Variants in NETO1 observed in about 807,000 individuals in gnomAD.
NETO1 encodes the protein neuropilin and tolloid-like protein 1.
NETO1 carries 26 observed loss-of-function variants against 61.3 expected under a neutral mutation model. That is an observed-to-expected ratio of 0.42 (90% CI 0.31 to 0.59). NETO1 has a LOEUF of 0.59. Ranked by LOEUF, NETO1 falls within the 20% of genes least tolerant of loss-of-function variation. The pLI, the probability that NETO1 is intolerant of heterozygous loss-of-function variation, is 0.12. For synonymous variants in NETO1, 225 were observed against 225.8 expected (o/e 1.00, Z 0.03); for missense variants, 531 against 662.8 (o/e 0.80, Z 2.18).
At chr18:72,812,790 T>C (rs1218679181) in intron 4 of NETO1, among the ~76,000 whole-genome samples, 2 of 152,140 alleles carry the variant, frequency 1.3e-5, no homozygotes, top group Non-Finnish European at 2.9e-5. Context: ...TCTAGATACA[T>C]TTCCTAACAT....
chr18:72,749,809 GAAAT>G (rs143785782), intron 9 of NETO1, among the ~76,000 whole-genome samples: 20,217 of 152,012 alleles, frequency 0.13, 1,540 homozygotes, highest in Middle Eastern at 0.19. Flanking sequence ...TATATGTTTA[GAAAT>G]AAATAAAGTA....
chr18:72,866,966 C>G (rs2074755108), intron 1 of NETO1: 1 of 408,334 alleles, frequency 2.4e-6, no homozygotes, highest in African/African-American at 2.1e-5. Context: ...TTGGGCCAAT[C>G]TCTGCCGCAC....
chr18:72,830,592 T>A lies in NETO1; in HGVS notation c.469+28234A>T, dbSNP rs945545609. Among the ~76,000 whole-genome samples the A allele has an allele frequency of 3.9e-5, 6 of 152,148 alleles. No individual in the cohort carries two copies. Among genetic ancestry groups the A allele is most frequent in the African/African-American group, 1.4e-4 (6 of 41,420 alleles). ...CTGCCAGAATTTTTTAGGAGCAGCT[T>A]TTGGTGTGGAGGTAGGATGTGGTGG... On this transcript the variant is annotated intron_variant, in intron 4 of 10. Coordinates refer to ENST00000327305, the MANE Select transcript of NETO1 (RefSeq NM_138966.5). This position sits in a 1 kb window ranked among gnomAD's most constrained non-coding sequence, Gnocchi z 4.9.
At chr18:72,772,370 A>G (rs1383522111) in intron 7 of NETO1, among the ~76,000 whole-genome samples, 1 of 152,080 alleles carries the variant, frequency 6.6e-6, no homozygotes, top group East Asian at 1.9e-4. Context: ...CATGACATAA[A>G]GTTCAAATCT....
chr18:72,798,973 A>T (rs891300420), intron 4 of NETO1, among the ~76,000 whole-genome samples: 4 of 152,206 alleles, frequency 2.6e-5, no homozygotes, highest in Non-Finnish European at 1.5e-5. Context: ...TAAAAGACAC[A>T]ACTTCAGCGT....
At chr18:72,837,806 A>G (rs2073800114) in intron 4 of NETO1, among the ~76,000 whole-genome samples, 1 of 152,140 alleles carries the variant, frequency 6.6e-6, no homozygotes, top group African/African-American at 2.4e-5. Context: ...AAACACCACC[A>G]CCAACAAAAA....
intron 6 of NETO1, among the ~76,000 whole-genome samples, chr18:72,786,722 A>T (rs573521953): frequency 6.6e-6 from 1 of 152,288 alleles, no homozygotes; most frequent in South Asian, 2.1e-4. Context: ...AGAGAATTTC[A>T]GAAATATCCA....
intron 4 of NETO1, among the ~76,000 whole-genome samples, chr18:72,848,806 G>C (rs2074165720): frequency 6.6e-6 from 1 of 152,158 alleles, no homozygotes; most frequent in Non-Finnish European, 1.5e-5. Context: ...GTAGGCATTT[G>C]AAAGTTCTGA....
intron 6 of NETO1, among the ~76,000 whole-genome samples, chr18:72,789,369 G>A (rs2072037791): frequency 6.6e-6 from 1 of 152,002 alleles, no homozygotes; most frequent in Non-Finnish European, 1.5e-5. Flanking sequence ...GTATAAAAAT[G>A]CCATTTTAAA....
At chr18:72,861,162 T>A (rs2145661889) in intron 3 of NETO1, among the ~76,000 whole-genome samples, 1 of 152,338 alleles carries the variant, frequency 6.6e-6, no homozygotes, top group South Asian at 2.1e-4. Flanking sequence ...ATAAGTTCTG[T>A]GGCTGAGTCA....
chr18:72,860,353 T>C (rs952942477), intron 3 of NETO1, among the ~76,000 whole-genome samples: 2 of 152,232 alleles, frequency 1.3e-5, no homozygotes, highest in African/African-American at 4.8e-5. Flanking sequence ...CCACACCCCA[T>C]TGCTTCTTAA....
chr18:72,865,632 G>T (rs747248676), intron 1 of NETO1: 1 of 1,593,170 alleles, frequency 6.3e-7, no homozygotes, highest in Non-Finnish European at 8.6e-7. Context: ...AGGTAAAAAG[G>T]AGGAAAAGGA....
intron 7 of NETO1, among the ~76,000 whole-genome samples, chr18:72,768,825 C>T (rs1406901054): frequency 2.6e-5 from 4 of 152,212 alleles, no homozygotes; most frequent in Non-Finnish European, 5.9e-5. Flanking sequence ...GCCTTGCTGA[C>T]ACCCTGGTCT....
At chr18:72,828,939 G>A (rs2073482138) in intron 4 of NETO1, among the ~76,000 whole-genome samples, 1 of 149,890 alleles carries the variant, frequency 6.7e-6, no homozygotes, top group Non-Finnish European at 1.5e-5. Flanking sequence ...AGCAAACACT[G>A]GAGAATTTAG....
rs1185288091 is a variant in NETO1 at position 72,746,774 on chromosome 18, T to C, written c.*1405A>G. Among the ~76,000 whole-genome samples, 1 of 151,990 alleles carries C rather than the reference T, an allele frequency of 6.6e-6. No individual in the cohort carries two copies. ...TGAAAATGTTGGGAAGCATATATAC[T>C]GATAGTAATTCTTATTTTAAAAATT... On this transcript the variant is annotated 3_prime_UTR_variant, in exon 11 of 11. Coordinates refer to ENST00000327305, the MANE Select transcript of NETO1 (RefSeq NM_138966.5).
chr18:72,832,954 T>A (rs1202343101), intron 4 of NETO1, among the ~76,000 whole-genome samples: 1 of 152,208 alleles, frequency 6.6e-6, no homozygotes, highest in East Asian at 1.9e-4. Context: ...CCAAAATGGA[T>A]GACATTTTTA....
intron 4 of NETO1, among the ~76,000 whole-genome samples, chr18:72,840,697 C>A (rs2073902872): frequency 6.6e-6 from 1 of 151,966 alleles, no homozygotes; most frequent in Admixed American, 6.6e-5. Context: ...ACTTAACCAA[C>A]CATTCAGATA....
At chr18:72,821,042 G>C (rs1055001230) in intron 4 of NETO1, among the ~76,000 whole-genome samples, 4 of 151,750 alleles carry the variant, frequency 2.6e-5, no homozygotes, top group African/African-American at 7.3e-5. Context: ...TACACAAAAG[G>C]CACAAAGGCC....
intron 4 of NETO1, among the ~76,000 whole-genome samples, chr18:72,853,107 T>C (rs1412556935): frequency 6.6e-6 from 1 of 152,140 alleles, no homozygotes; most frequent in East Asian, 1.9e-4. Flanking sequence ...AGTGCTGGGA[T>C]TACAAGCATG....
Sources: allele counts gnomAD v4.1 joint callset (sites outside exome capture counted in the v4.1 genomes callset), GRCh38; gene constraint gnomAD v4.1.1; non-coding constraint Gnocchi (gnomAD v3.1); transcripts MANE v1.5; gene names NCBI Gene and HGNC (gene_info 2026-07-23, HGNC 2026-07-21).